Variants in CTNND2 observed in about 807,000 individuals in gnomAD.
CTNND2 encodes the protein catenin delta 2.
Under a neutral mutation model 144.4 loss-of-function variants are expected in CTNND2, and 22 were observed. The ratio of observed to expected loss-of-function variants is 0.15; its 90% CI spans 0.11 to 0.22. The LOEUF (loss-of-function observed/expected upper bound fraction) is 0.22. CTNND2 is among the 10% of genes least tolerant of loss of function. CTNND2 has a pLI of 1.00. For missense variants in CTNND2, 1,353 were observed against 1,618.8 expected (o/e 0.84, Z 2.82); for synonymous variants, 751 against 695.6 (o/e 1.08, Z -1.25).
At chr5:11,683,157 C>T (rs966968425) in intron 2 of CTNND2, among the ~76,000 whole-genome samples, 6 of 152,184 alleles carry the variant, frequency 3.9e-5, no homozygotes, top group Non-Finnish European at 8.8e-5. Flanking sequence ...GTTTCTAACG[C>T]ATTTTACCCT....
chr5:11,855,475 C>T (rs949137256), intron 1 of CTNND2, among the ~76,000 whole-genome samples: 12 of 152,174 alleles, frequency 7.9e-5, no homozygotes, highest in African/African-American at 2.7e-4. Context: ...TTAGTGTGTA[C>T]ATCCAACAGG....
intron 16 of CTNND2, among the ~76,000 whole-genome samples, chr5:11,069,732 T>A (rs754173116): frequency 4.0e-5 from 6 of 151,456 alleles, no homozygotes; most frequent in Non-Finnish European, 7.4e-5. Flanking sequence ...GAGAAAGAGA[T>A]CTTATATGGC....
intron 2 of CTNND2, among the ~76,000 whole-genome samples, chr5:11,594,801 T>TTA (rs1779422908): frequency 6.6e-6 from 1 of 152,148 alleles, no homozygotes; most frequent in Non-Finnish European, 1.5e-5. Flanking sequence ...CAGAAAAGCT[T>TTA]TAACATGAAA....
chr5:11,590,928 G>A (rs1465903208), intron 2 of CTNND2, among the ~76,000 whole-genome samples: 2 of 152,140 alleles, frequency 1.3e-5, no homozygotes. Flanking sequence ...TCTCTTATAG[G>A]GACACATTTA....
chr5:11,735,872 C>A (rs1019093258), intron 1 of CTNND2, among the ~76,000 whole-genome samples: 3 of 152,158 alleles, frequency 2.0e-5, no homozygotes, highest in Non-Finnish European at 4.4e-5. Context: ...TTATTAGCAG[C>A]ATGAGAATGG....
At chr5:10,978,462 G>A (rs1736779128) in intron 21 of CTNND2, among the ~76,000 whole-genome samples, 1 of 151,994 alleles carries the variant, frequency 6.6e-6, no homozygotes, top group African/African-American at 2.4e-5. Flanking sequence ...AAGTTCAATG[G>A]AGTGTCATTA....
At chr5:11,688,708 C>G (rs1340079685) in intron 2 of CTNND2, among the ~76,000 whole-genome samples, 4 of 152,138 alleles carry the variant, frequency 2.6e-5, no homozygotes, top group African/African-American at 4.8e-5. Context: ...CAGAAACCCA[C>G]CACCCAGGAG....
intron 14 of CTNND2, among the ~76,000 whole-genome samples, chr5:11,103,626 C>T (rs1267492620): frequency 2.0e-5 from 3 of 151,658 alleles, no homozygotes; most frequent in Non-Finnish European, 2.9e-5. Context: ...GCCAAGATGG[C>T]GCCATTGCAC....
intron 9 of CTNND2, among the ~76,000 whole-genome samples, chr5:11,251,148 G>C (rs1215056180): frequency 6.6e-6 from 1 of 152,046 alleles, no homozygotes; most frequent in Non-Finnish European, 1.5e-5. Flanking sequence ...ACAATTATTG[G>C]CCGGAGTGTT....
chr5:10,979,327 C>A (rs1047993495), intron 21 of CTNND2, among the ~76,000 whole-genome samples: 4 of 152,210 alleles, frequency 2.6e-5, no homozygotes, highest in Non-Finnish European at 5.9e-5. Context: ...TCCCTGGTGA[C>A]CTGGTGTCTA....
At chr5:11,701,924 T>C (rs1267371500) in intron 2 of CTNND2, among the ~76,000 whole-genome samples, 2 of 152,184 alleles carry the variant, frequency 1.3e-5, no homozygotes, top group Admixed American at 6.5e-5. Flanking sequence ...AGAGAACGAA[T>C]TCTGCAGTGC....
Position 11,055,603 on chromosome 5 carries a change from T to C in CTNND2, c.2788+27093A>G, listed in dbSNP as rs555910038. ...GTCTTTTCTCCTGTTAATGTGTCTA[T>C]TGTCAAATTATTTGCAGTCTCCCAC... is the stretch of plus-strand genomic sequence containing the variant. On this transcript the variant is annotated intron_variant, in intron 16 of 21. Transcript: ENST00000304623. 3.3e-5 allele frequency among the ~76,000 whole-genome samples: 5 copies of C among 152,330 alleles called. No homozygotes were observed. The East Asian group carries it at 7.7e-4, about 23-fold the overall frequency.
chr5:11,013,678 C>A (rs1383093944), intron 18 of CTNND2, among the ~76,000 whole-genome samples: 3 of 152,134 alleles, frequency 2.0e-5, no homozygotes, highest in Non-Finnish European at 2.9e-5. Flanking sequence ...GGATAACATG[C>A]CTCATTAGGT....
rs147348575 is a variant in CTNND2 at position 11,813,430 on chromosome 5, T to C, written c.38-81158A>G. Reference sequence around the variant, plus strand: ...CTTGGAATGTTTTCACAGTCTGAAGTGTTCTCTGTTCATTTTTTTTCATTT... The same window carrying C: ...CTTGGAATGTTTTCACAGTCTGAAGCGTTCTCTGTTCATTTTTTTTCATTT... On this transcript the variant is annotated intron_variant, in intron 1 of 21. Coordinates refer to ENST00000304623, the MANE Select transcript of CTNND2 (RefSeq NM_001332.4). Among the ~76,000 whole-genome samples, 690 of 152,280 alleles carry C rather than the reference T, an allele frequency of 4.5e-3. 10 individuals are homozygous for C. The Middle Eastern group carries it at 0.048, about 11-fold the overall frequency.
At chr5:11,757,186 T>C (rs1431303332) in intron 1 of CTNND2, among the ~76,000 whole-genome samples, 1 of 150,782 alleles carries the variant, frequency 6.6e-6, no homozygotes. Flanking sequence ...TATACACACA[T>C]ATACACACAC....
At chr5:11,447,438 T>C (rs748735021) in intron 3 of CTNND2, among the ~76,000 whole-genome samples, 3 of 152,042 alleles carry the variant, frequency 2.0e-5, no homozygotes, top group Non-Finnish European at 4.4e-5. Context: ...GCTTTGACTA[T>C]GATAAGGGAA....
At chr5:11,723,146 ATAAT>A (rs1786780855) in intron 2 of CTNND2, among the ~76,000 whole-genome samples, 2 of 152,302 alleles carry the variant, frequency 1.3e-5, no homozygotes, top group African/African-American at 2.4e-5. Flanking sequence ...ACAAACAAAA[ATAAT>A]TAAGTGTATT....
At chr5:11,249,546 C>T (rs946541571) in intron 9 of CTNND2, among the ~76,000 whole-genome samples, 3 of 152,076 alleles carry the variant, frequency 2.0e-5, no homozygotes, top group African/African-American at 7.2e-5. Context: ...TGTGATTGGC[C>T]AAGAATGAGC....
At chr5:11,869,221 C>G (rs1795912396) in intron 1 of CTNND2, among the ~76,000 whole-genome samples, 1 of 152,204 alleles carries the variant, frequency 6.6e-6, no homozygotes, top group Non-Finnish European at 1.5e-5. Context: ...CAACCCCACT[C>G]TTAGGTATAT....
Sources: allele counts gnomAD v4.1 joint callset (sites outside exome capture counted in the v4.1 genomes callset), GRCh38; gene constraint gnomAD v4.1.1; transcripts MANE v1.5; gene names NCBI Gene and HGNC (gene_info 2026-07-23, HGNC 2026-07-21).